NAV3: variants seen among roughly 807,000 people sequenced by gnomAD.
The protein encoded by NAV3 is neuron navigator 3.
A neutral mutation model predicts 244.7 loss-of-function variants in NAV3; 87 were observed. That is an observed-to-expected ratio of 0.36 (90% CI 0.30 to 0.42). The LOEUF (loss-of-function observed/expected upper bound fraction) is 0.42, where lower values mean the gene tolerates loss of function less well. Ranked by LOEUF, NAV3 falls within the 20% of genes least tolerant of loss-of-function variation. The pLI, the probability that NAV3 is intolerant of heterozygous loss-of-function variation, is 1.00. For missense variants in NAV3, 2,663 were observed against 2,893.3 expected, an observed-to-expected ratio of 0.92 and a Z score of 1.83; for synonymous variants, 1,126 against 1,042.2, an observed-to-expected ratio of 1.08 and a Z score of -1.55.
At position 77,889,405 on chromosome 12, in the gene NAV3, T is replaced by C. The variant is rs569238835; in HGVS notation, c.244-50914T>C. 4.3e-4 allele frequency among the ~76,000 whole-genome samples: 65 copies of C among 152,302 alleles called. 1 individual carries two copies. In the South Asian group the frequency reaches 0.013, roughly 32 times the overall value. ...CATCTTTCCTGAGTCTCTAGCTTGC[T>C]GGCTACAGATCTTGGGCCTTTTCAG... On this transcript the variant is annotated intron_variant, in intron 1 of 39. Transcript: ENST00000397909.
chr12:77,864,718 A>G (rs902699379), intron 1 of NAV3, among the ~76,000 whole-genome samples: 3 of 151,916 alleles, frequency 2.0e-5, no homozygotes, highest in Non-Finnish European at 4.4e-5. Flanking sequence ...TTTCCTCATC[A>G]TAGGTACATT....
chr12:77,584,031 A>G (rs1869489028), intron 2 of NAV3, among the ~76,000 whole-genome samples: 1 of 152,170 alleles, frequency 6.6e-6, no homozygotes, highest in South Asian at 2.1e-4. Flanking sequence ...TTCATCATTC[A>G]TGTATCCAGT....
intron 9 of NAV3, among the ~76,000 whole-genome samples, chr12:78,026,566 C>T (rs1878092799): frequency 1.3e-5 from 2 of 152,046 alleles, no homozygotes; most frequent in African/African-American, 4.8e-5. Flanking sequence ...GTATATGAAT[C>T]AACTTTTTAG....
At chr12:77,986,144 T>C (rs1266492642) in intron 5 of NAV3, among the ~76,000 whole-genome samples, 1 of 152,106 alleles carries the variant, frequency 6.6e-6, no homozygotes, top group African/African-American at 2.4e-5. Context: ...GGTGGATCAC[T>C]TGAGGTCAGG....
At chr12:77,778,668 T>C (rs191249097) in intron 2 of NAV3, among the ~76,000 whole-genome samples, 3 of 152,030 alleles carry the variant, frequency 2.0e-5, no homozygotes, top group African/African-American at 7.2e-5. Context: ...AAAGAGACTT[T>C]ATTTTTTTAA....
rs762906444 is a variant in NAV3 at position 77,968,469 on chromosome 12, A to C, written c.488-50A>C. 6 of 1,406,686 alleles carry C rather than the reference A, an allele frequency of 4.3e-6. No homozygotes were observed. The South Asian group carries it at 4.8e-5, about 11-fold the overall frequency. 87.1% of individuals were successfully genotyped at this position (1,406,686 alleles called of 1,614,324 possible). On this transcript the variant is annotated intron_variant, in intron 4 of 39. Transcript: ENST00000397909. ...GAAATGCATCTAGAATTTGTTAAAA[A>C]GGACATTAAATACATATGATTCTTT...
At chr12:77,957,781 T>C (rs1472473364) in intron 3 of NAV3, among the ~76,000 whole-genome samples, 1 of 152,034 alleles carries the variant, frequency 6.6e-6, no homozygotes, top group Non-Finnish European at 1.5e-5. Flanking sequence ...TCTCGTGCCT[T>C]AGCCTCCCTG....
In NAV3 at chr12:78,211,460, T is replaced by A. The variant is rs1175811663; in HGVS notation, c.*943T>A. 1.4e-5 allele frequency: 2 copies of A among 140,638 alleles called. No homozygotes were observed. Among genetic ancestry groups the A allele is most frequent in the African/African-American group, 5.1e-5 (2 of 39,564 alleles). The allele number at this position is 140,638 out of a possible 1,614,324, so 8.7% of individuals were successfully genotyped here. A position where few individuals can be genotyped will look rare whatever the true frequency, so the allele number is the denominator to read the frequency against. On this transcript the variant is annotated 3_prime_UTR_variant, in exon 40 of 40. Coordinates refer to ENST00000397909, the MANE Select transcript of NAV3 (RefSeq NM_001024383.2). ...AGTTAACATAGTAGCCTCATCTCTA[T>A]ATATCTTTCTCTTTTTTTTTTTTTT...
At chr12:77,798,705 C>G (rs1871551812) in intron 2 of NAV3, among the ~76,000 whole-genome samples, 1 of 152,080 alleles carries the variant, frequency 6.6e-6, no homozygotes, top group African/African-American at 2.4e-5. Context: ...TGTTGTCTGA[C>G]CTCACATTAC....
chr12:77,948,029 G>GATAA (rs1405720901), intron 3 of NAV3, among the ~76,000 whole-genome samples: 1 of 151,916 alleles, frequency 6.6e-6, no homozygotes, highest in African/African-American at 2.4e-5. Context: ...AAATTGGACA[G>GATAA]ATAAACTCTA....
intron 12 of NAV3, among the ~76,000 whole-genome samples, chr12:78,100,762 T>G (rs1954497017): frequency 6.6e-6 from 1 of 152,102 alleles, no homozygotes; most frequent in Admixed American, 6.6e-5. Flanking sequence ...ATGTATTTCC[T>G]TTTGCCTGCT....
intron 2 of NAV3, among the ~76,000 whole-genome samples, chr12:77,583,231 A>G (rs1195106057): frequency 6.6e-6 from 1 of 152,190 alleles, no homozygotes; most frequent in Non-Finnish European, 1.5e-5. Context: ...TTTTCATTAA[A>G]ATTAGATGTT....
intron 2 of NAV3, among the ~76,000 whole-genome samples, chr12:77,583,603 C>T (rs147239859): frequency 4.4e-4 from 67 of 152,170 alleles, no homozygotes; most frequent in African/African-American, 1.5e-3. Context: ...CAGACATTTC[C>T]GAAGCACTTA....
Position 77,589,631 on chromosome 12 carries a change from C to T in NAV3, c.72+17365C>T, listed in dbSNP as rs185889243. On this transcript the variant is annotated intron_variant, in intron 2 of 8. Transcript: ENST00000550042. ...AACCATCAGATCTCATGAGAATTTA[C>T]TCACTATTGTCAGAATACCATGGGG... 1.1e-3 allele frequency among the ~76,000 whole-genome samples: 160 copies of T among 152,278 alleles called. 1 individual carries two copies. Among genetic ancestry groups the T allele is most frequent in the African/African-American group, 3.8e-3 (157 of 41,556 alleles).
chr12:77,774,829 A>G (rs1021514346), intron 2 of NAV3, among the ~76,000 whole-genome samples: 1 of 152,202 alleles, frequency 6.6e-6, no homozygotes, highest in African/African-American at 2.4e-5. Context: ...AGTTTTTTGA[A>G]TTGTAATTGT....
At chr12:77,705,010 CAGAG>C (rs949304804) in intron 2 of NAV3, among the ~76,000 whole-genome samples, 1 of 152,162 alleles carries the variant, frequency 6.6e-6, no homozygotes, top group African/African-American at 2.4e-5. Context: ...ATGCAAGAGA[CAGAG>C]AGAAGCAGGA....
chr12:77,953,845 T>C (rs1050665131), intron 3 of NAV3, among the ~76,000 whole-genome samples: 6 of 152,192 alleles, frequency 3.9e-5, no homozygotes, highest in African/African-American at 1.4e-4. Flanking sequence ...TCTACTACTT[T>C]ACTGAGTAGA....
At chr12:77,717,230 T>G (rs995341643) in intron 2 of NAV3, among the ~76,000 whole-genome samples, 1 of 152,052 alleles carries the variant, frequency 6.6e-6, no homozygotes, top group African/African-American at 2.4e-5. Flanking sequence ...CTAGAACTTT[T>G]TCTTCCTGCA....
chr12:78,195,761 A>C (rs913191538), intron 34 of NAV3, among the ~76,000 whole-genome samples: 20 of 152,152 alleles, frequency 1.3e-4, no homozygotes, highest in African/African-American at 4.6e-4. Flanking sequence ...CTTGACACCC[A>C]GCAGCTAGGC....
Sources: allele counts gnomAD v4.1 joint callset (sites outside exome capture counted in the v4.1 genomes callset), GRCh38; gene constraint gnomAD v4.1.1; transcripts MANE v1.5; gene names NCBI Gene and HGNC (gene_info 2026-07-23, HGNC 2026-07-21).